Variants in IMPACT observed in about 807,000 individuals in gnomAD.
IMPACT encodes impact RWD domain protein, also known as protein IMPACT.
A neutral mutation model predicts 47.5 loss-of-function variants in IMPACT; 35 were observed. The observed-to-expected ratio is 0.74, with a 90% CI of 0.56 to 0.98. The LOEUF (loss-of-function observed/expected upper bound fraction) is 0.98, where lower values mean the gene tolerates loss of function less well. Ranked by LOEUF, IMPACT falls within the 50% of genes least tolerant of loss-of-function variation. The pLI is 0.00. For missense variants in IMPACT, 373 were observed against 394.8 expected (o/e 0.94, Z 0.47); for synonymous variants, 118 against 125.6 (o/e 0.94, Z 0.40).
At chr18:24,444,548 A>AG (rs1480949373) in intron 7 of IMPACT, among the ~76,000 whole-genome samples, 1 of 152,180 alleles carries the variant, frequency 6.6e-6, no homozygotes, top group Non-Finnish European at 1.5e-5. Context: ...AATGTCTACA[A>AG]GGGAAGATCT....
chr18:24,443,253 A>G (rs1909164072), intron 7 of IMPACT, 101 bp downstream of exon 7: 1 of 525,954 alleles, frequency 1.9e-6, no homozygotes. Flanking sequence ...TTTTATTTTC[A>G]TATAAGATAA....
At chr18:24,447,336 C>T (rs1909272758) in intron 8 of IMPACT, among the ~76,000 whole-genome samples, 1 of 152,022 alleles carries the variant, frequency 6.6e-6, no homozygotes, top group Admixed American at 6.5e-5. Context: ...CACATGATAC[C>T]ATTGGTAGGG....
chr18:24,448,007 T>C, intron 8 of IMPACT, 86 bp from the exon 9 acceptor site: 1 of 736,812 alleles, frequency 1.4e-6, no homozygotes, highest in Non-Finnish European at 2.3e-6. Context: ...ATTTTGGAAG[T>C]AATCAAAATG....
In IMPACT at chr18:24,428,882, A is replaced by G; in HGVS notation, c.179A>G (p.Asn60Ser). ...CCTGCATTGTAGGTGATGCTGCCGA[A>G]TGAATACCCAGGTACAGCTCCACCT... ...WTLCLQVMLP[N>S]EYPGTAPPIY... Residue 60 changes from asparagine to serine, a missense_variant, in exon 3 of 11, where the codon AAT becomes AGT. Coordinates refer to ENST00000284202, the MANE Select transcript of IMPACT (RefSeq NM_018439.4). 7.4e-6 allele frequency: 12 copies of G among 1,612,166 alleles called. No homozygotes were observed. Among genetic ancestry groups the G allele is most frequent in the Non-Finnish European group, 1.0e-5 (12 of 1,178,946 alleles).
At chr18:24,433,795 T>C (rs981834661) in intron 4 of IMPACT, among the ~76,000 whole-genome samples, 1 of 151,200 alleles carries the variant, frequency 6.6e-6, no homozygotes, top group African/African-American at 2.4e-5. Context: ...CTCAGCCTCC[T>C]GAGTAGCTGG....
chr18:24,431,776 A>T (rs1169229502), intron 4 of IMPACT, among the ~76,000 whole-genome samples: 2 of 152,066 alleles, frequency 1.3e-5, no homozygotes, highest in East Asian at 3.9e-4. Context: ...ATCTTGGCTC[A>T]CTGCAACCCC....
In IMPACT at chr18:24,430,336, A is replaced by G; in HGVS notation, c.233A>G (p.Lys78Arg). ...PIYQLNAPWL[K>R]GQERADLSNS... ...TTTAATCTTAGTGCTCCTTGGCTTA[A>G]AGGGCAAGAACGTGCGGATTTATCA... The change falls in exon 4 of 11, where the codon AAA becomes AGA. Residue 78 changes from lysine (K) to arginine (R), a missense_variant. Transcript: ENST00000284202. 6.3e-7 allele frequency: 1 copy of G among 1,597,310 alleles called. No homozygotes were observed. The highest frequency in any genetic ancestry group is 1.3e-5 in the African/African-American group (1 of 74,270).
chr18:24,448,495 A>G (rs1434108084), intron 9 of IMPACT, among the ~76,000 whole-genome samples: 1 of 151,826 alleles, frequency 6.6e-6, no homozygotes, highest in East Asian at 1.9e-4. Context: ...TTCTTTCTTT[A>G]TGGAACTCCG....
chr18:24,437,273 T>G (rs1370016783), intron 4 of IMPACT, among the ~76,000 whole-genome samples: 1 of 152,184 alleles, frequency 6.6e-6, no homozygotes, highest in Non-Finnish European at 1.5e-5. Context: ...TTATTGCTGC[T>G]ACCATCATTT....
Position 24,427,950 on chromosome 18 carries a change from A to G in IMPACT, c.68A>G (p.Tyr23Cys). ...NEEIEAMAAI[Y>C]GEEWCVIDDC... is the part of the protein sequence containing the mutation. ...GAAATTGAAGCAATGGCAGCCATTT[A>G]TGGCGAGGAGTGGTGTGTCATTGAT... The change falls in exon 2 of 11, where the codon TAT becomes TGT. Residue 23 changes from tyrosine (Y) to cysteine (C), a missense_variant. Coordinates refer to ENST00000284202, the MANE Select transcript of IMPACT (RefSeq NM_018439.4). 2 of 1,599,620 alleles carry G rather than the reference A, an allele frequency of 1.3e-6. No homozygotes were observed. The highest frequency in any genetic ancestry group is 1.7e-6 in the Non-Finnish European group (2 of 1,176,366).
At position 24,451,533 on chromosome 18, in the gene IMPACT, T is replaced by G. The variant is rs1243738376; in HGVS notation, c.*686T>G. 6.6e-6 allele frequency: 1 copy of G among 152,246 alleles called. No homozygotes were observed. Among genetic ancestry groups the G allele is most frequent in the Admixed American group, 6.5e-5 (1 of 15,280 alleles). The allele number at this position is 152,246 out of a possible 1,614,324, so 9.4% of individuals were successfully genotyped here. On this transcript the variant is annotated 3_prime_UTR_variant, in exon 11 of 11. Transcript: ENST00000284202. ...AAGTGATTTTCTAGTCTGCTTTTTT[T>G]GTTTAATTCTTGTAATGTAAGCAAT...
At chr18:24,448,687 G>A (rs557137142) in intron 9 of IMPACT, among the ~76,000 whole-genome samples, 1 of 151,648 alleles carries the variant, frequency 6.6e-6, no homozygotes, top group African/African-American at 2.4e-5. Context: ...CTTGTTTTCT[G>A]TTTTTCCTTT....
At chr18:24,441,928 G>T (rs2144343641) in intron 6 of IMPACT, among the ~76,000 whole-genome samples, 1 of 152,146 alleles carries the variant, frequency 6.6e-6, no homozygotes, top group South Asian at 2.1e-4. Context: ...ACTATCAATT[G>T]GTCAGTAGTT....
intron 2 of IMPACT, among the ~76,000 whole-genome samples, 182 bp from the exon 3 acceptor site, chr18:24,428,687 C>T (rs1908674096): frequency 6.6e-6 from 1 of 152,076 alleles, no homozygotes; most frequent in African/African-American, 2.4e-5. Context: ...GAAAAGTACC[C>T]AGAAAATATT....
Position 24,428,036 on chromosome 18 carries a change from C to A in IMPACT, c.154C>A (p.Leu52Ile). The A allele has an allele frequency of 6.4e-7, 1 of 1,573,742 alleles. No individual in the cohort carries two copies. Among genetic ancestry groups the A allele is most frequent in the Non-Finnish European group, 8.6e-7 (1 of 1,166,806 alleles). ...CGATATAGATGACCCCAAATGGACA[C>A]TTTGCTTGCAGGTACTTTTTCCCCC... ...SDDIDDPKWTLCLQVMLPNEY... is the reference protein window; with the variant it reads ...SDDIDDPKWTICLQVMLPNEY... The change falls in exon 2 of 11, where the codon CTT becomes ATT. Residue 52 changes from leucine to isoleucine, a missense_variant. Physicochemically the swap from Leu to Ile is conservative, Grantham distance 5. Coordinates refer to ENST00000284202, the MANE Select transcript of IMPACT (RefSeq NM_018439.4).
Position 24,428,899 on chromosome 18 carries a change from G to A in IMPACT, c.196G>A (p.Ala66Thr). ...VMLPNEYPGTAPPIYQLNAPW... is the reference protein window; with the variant it reads ...VMLPNEYPGTTPPIYQLNAPW... ...GCTGCCGAATGAATACCCAGGTACA[G>A]CTCCACCTATCTACCAGTTGAAGTA... Residue 66 changes from alanine (A) to threonine (T), a missense_variant, in exon 3 of 11, where the codon GCT becomes ACT. Coordinates refer to ENST00000284202, the MANE Select transcript of IMPACT (RefSeq NM_018439.4). The A allele has an allele frequency of 6.2e-7, 1 of 1,611,296 alleles. No homozygotes were observed. Among genetic ancestry groups the A allele is most frequent in the Non-Finnish European group, 8.5e-7 (1 of 1,178,342 alleles).
chr18:24,441,811 C>A (rs1480895132), intron 6 of IMPACT, among the ~76,000 whole-genome samples: 1 of 152,204 alleles, frequency 6.6e-6, no homozygotes, highest in South Asian at 2.1e-4. Context: ...GCCTAAGTAG[C>A]TCCCATTTTA....
intron 9 of IMPACT, among the ~76,000 whole-genome samples, chr18:24,449,007 GT>G (rs1242456311): frequency 6.6e-6 from 1 of 152,138 alleles, no homozygotes; most frequent in Non-Finnish European, 1.5e-5. Flanking sequence ...AACTGTGTTT[GT>G]GGGTCAGGCC....
chr18:24,444,566 T>C (rs1362516216), intron 7 of IMPACT, among the ~76,000 whole-genome samples: 3 of 152,244 alleles, frequency 2.0e-5, no homozygotes. Context: ...TCTAAACTTA[T>C]TACACAGATC....
Sources: allele counts gnomAD v4.1 joint callset (sites outside exome capture counted in the v4.1 genomes callset), GRCh38; gene constraint gnomAD v4.1.1; transcripts MANE v1.5; gene names NCBI Gene and HGNC (gene_info 2026-07-23, HGNC 2026-07-21).